MYO1D: variants seen among roughly 807,000 people sequenced by gnomAD.
MYO1D encodes myosin ID, also known as unconventional myosin-Id.
A neutral mutation model predicts 122.0 loss-of-function variants in MYO1D; 83 were observed. The ratio of observed to expected loss-of-function variants is 0.68; its 90% CI spans 0.57 to 0.82. MYO1D has a LOEUF of 0.82. MYO1D is among the 40% of genes least tolerant of loss of function. The pLI, the probability that MYO1D is intolerant of heterozygous loss-of-function variation, is 0.00. For missense variants in MYO1D, 1,157 were observed against 1,269.5 expected, an observed-to-expected ratio of 0.91 and a Z score of 1.35; for synonymous variants, 464 against 446.9, an observed-to-expected ratio of 1.04 and a Z score of -0.48.
chr17:32,590,859 CAT>C (rs2087432772), intron 21 of MYO1D, among the ~76,000 whole-genome samples: 1 of 152,114 alleles, frequency 6.6e-6, no homozygotes, highest in Admixed American at 6.5e-5. Context: ...TCTGTTTTAA[CAT>C]ATATTGTAAG....
At chr17:32,806,054 T>C (rs1461464944) in intron 1 of MYO1D, among the ~76,000 whole-genome samples, 1 of 152,122 alleles carries the variant, frequency 6.6e-6, no homozygotes, top group Non-Finnish European at 1.5e-5. Context: ...GTCAGGAGAT[T>C]GAGACCATCC....
At chr17:32,662,895 A>G (rs1158863205) in intron 16 of MYO1D, among the ~76,000 whole-genome samples, 1 of 148,980 alleles carries the variant, frequency 6.7e-6, no homozygotes, top group African/African-American at 2.5e-5. Context: ...ATTTACCTTT[A>G]GTGGGTCGTG....
intron 19 of MYO1D, among the ~76,000 whole-genome samples, chr17:32,642,353 G>A (rs1567924893): frequency 6.6e-6 from 1 of 152,206 alleles, no homozygotes; most frequent in South Asian, 2.1e-4. Context: ...ATAGTTTGAA[G>A]TCAGGTAGCG....
intron 21 of MYO1D, among the ~76,000 whole-genome samples, chr17:32,513,352 C>A (rs1020046290): frequency 2.6e-5 from 4 of 152,062 alleles, no homozygotes; most frequent in African/African-American, 9.7e-5. Flanking sequence ...GAGAACGTGG[C>A]GACTGGCTGA....
At chr17:32,714,610 GC>G (rs1056455144) in intron 15 of MYO1D, among the ~76,000 whole-genome samples, 8 of 152,086 alleles carry the variant, frequency 5.3e-5, no homozygotes, top group African/African-American at 1.9e-4. Context: ...GGGAGAACTG[GC>G]TAGCCATATG....
chr17:32,502,481 T>G (rs1450575650), intron 21 of MYO1D, among the ~76,000 whole-genome samples: 1 of 152,110 alleles, frequency 6.6e-6, no homozygotes, highest in Admixed American at 6.5e-5. Flanking sequence ...CGGAACTAGG[T>G]AGAGGTGATG....
In MYO1D at chr17:32,730,121, G is replaced by GT. The variant is rs1042623511; in HGVS notation, c.1746+8131dup. 2.2e-3 allele frequency among the ~76,000 whole-genome samples: 293 copies of GT among 136,100 alleles called. 2 individuals are homozygous for GT. Among genetic ancestry groups the GT allele is most frequent in the African/African-American group, 5.2e-3 (194 of 37,278 alleles). The allele number at this position is 136,100 out of a possible 152,430, so 89.3% of individuals were successfully genotyped here. A position where few individuals can be genotyped will look rare whatever the true frequency, so the allele number is the denominator to read the frequency against. ...GCAGGGAGGATTCTTTGTTTTTATT[G>GT]TTTTTTTTTTTCTTTTCCTTCTCTA... On this transcript the variant is annotated intron_variant, in intron 14 of 21. Coordinates refer to ENST00000318217, the MANE Select transcript of MYO1D (RefSeq NM_015194.3).
In MYO1D at chr17:32,707,620, T is replaced by G. The variant is rs549501163; in HGVS notation, c.2121+4368A>C. Among the ~76,000 whole-genome samples the G allele has an allele frequency of 5.3e-5, 8 of 152,358 alleles. No individual in the cohort carries two copies. In the East Asian group the frequency reaches 1.3e-3, roughly 26 times the overall value. Reference sequence around the variant, plus strand: ...TGAGACTACTATGCTTACAGTGGTCTGTCTGTTGGTCCTTGGCTGGTGTCT... The same window carrying G: ...TGAGACTACTATGCTTACAGTGGTCGGTCTGTTGGTCCTTGGCTGGTGTCT... On this transcript the variant is annotated intron_variant, in intron 16 of 21. Transcript: ENST00000318217.
chr17:32,775,142 T>TA (rs998863115), intron 4 of MYO1D, among the ~76,000 whole-genome samples: 24 of 149,240 alleles, frequency 1.6e-4, no homozygotes, highest in Middle Eastern at 3.4e-3. Flanking sequence ...CTCTACAAAA[T>TA]AAAAAAAAAA....
chr17:32,777,431 A>T (rs2090185432), intron 3 of MYO1D, among the ~76,000 whole-genome samples: 2 of 152,082 alleles, frequency 1.3e-5, no homozygotes, highest in South Asian at 4.1e-4. Context: ...TGAAGTAACC[A>T]ATTAGGAAAA....
At chr17:32,521,473 G>T (rs1385029834) in intron 21 of MYO1D, among the ~76,000 whole-genome samples, 1 of 152,214 alleles carries the variant, frequency 6.6e-6, no homozygotes, top group Non-Finnish European at 1.5e-5. Context: ...GGAATTTTCA[G>T]TTCCTCATAC....
At chr17:32,705,964 AG>A (rs909452929) in intron 16 of MYO1D, among the ~76,000 whole-genome samples, 10 of 152,246 alleles carry the variant, frequency 6.6e-5, no homozygotes, top group Admixed American at 5.9e-4. Context: ...CATGATTGTG[AG>A]GCCTCCCAAG....
intron 1 of MYO1D, among the ~76,000 whole-genome samples, chr17:32,872,373 C>T (rs951660608): frequency 1.3e-5 from 2 of 151,902 alleles, no homozygotes; most frequent in African/African-American, 4.8e-5. Flanking sequence ...CCCAGGTTCA[C>T]GCCATTCTCC....
chr17:32,555,587 A>G (rs1429528814), intron 21 of MYO1D, among the ~76,000 whole-genome samples: 1 of 152,122 alleles, frequency 6.6e-6, no homozygotes, highest in Non-Finnish European at 1.5e-5. Flanking sequence ...TAAAACCAAA[A>G]TCTCTTGACC....
chr17:32,696,890 C>T (rs1222820353), intron 16 of MYO1D, among the ~76,000 whole-genome samples: 1 of 152,170 alleles, frequency 6.6e-6, no homozygotes, highest in Admixed American at 6.5e-5. Context: ...ACAGTTAACC[C>T]ACTATAATGT....
chr17:32,865,292 C>G (rs959563214), intron 1 of MYO1D, among the ~76,000 whole-genome samples: 3 of 152,186 alleles, frequency 2.0e-5, no homozygotes, highest in African/African-American at 7.2e-5. Context: ...TACAGATGAT[C>G]CTCTATTGTA....
intron 21 of MYO1D, among the ~76,000 whole-genome samples, chr17:32,518,077 C>T (rs1164431226): frequency 5.3e-5 from 8 of 151,886 alleles, no homozygotes; most frequent in African/African-American, 1.9e-4. Context: ...CAGCACCTGG[C>T]CTGCCACTCT....
chr17:32,613,789 CAAAAAAAAA>C (rs60701225), intron 20 of MYO1D, among the ~76,000 whole-genome samples: 4 of 51,042 alleles, frequency 7.8e-5, no homozygotes, highest in Non-Finnish European at 1.0e-4. Context: ...GATTCCATCT[CAAAAAAAAA>C]AAAAAAAAAA....
chr17:32,683,948 G>A (rs549964259), intron 16 of MYO1D, among the ~76,000 whole-genome samples: 36 of 152,234 alleles, frequency 2.4e-4, no homozygotes, highest in South Asian at 2.1e-3. Flanking sequence ...ATAGTCTCGT[G>A]GTGCGCCGTT....
Sources: allele counts gnomAD v4.1 joint callset (sites outside exome capture counted in the v4.1 genomes callset), GRCh38; gene constraint gnomAD v4.1.1; transcripts MANE v1.5; gene names NCBI Gene and HGNC (gene_info 2026-07-23, HGNC 2026-07-21).